Variants in GPNMB observed in about 807,000 individuals in gnomAD.
GPNMB encodes transmembrane glycoprotein NMB.
A neutral mutation model predicts 57.3 loss-of-function variants in GPNMB; 71 were observed. That is an observed-to-expected ratio of 1.24 (90% CI 1.02 to 1.51). GPNMB has a LOEUF of 1.51. GPNMB is among the 40% of genes most tolerant of loss of function. GPNMB has a pLI of 0.00. For synonymous variants in GPNMB, 253 were observed against 263.2 expected (o/e 0.96, Z 0.38); for missense variants, 677 against 691.9 (o/e 0.98, Z 0.24).
At chr7:23,273,821 G>A (rs901329430) in intron 10 of GPNMB, 1 of 580,360 alleles carries the variant, frequency 1.7e-6, no homozygotes, top group South Asian at 2.3e-5. Context: ...CCAGATCTCA[G>A]TAACTTTACA....
intron 2 of GPNMB, 105 bp downstream of exon 2, chr7:23,253,564 G>A (rs1413340656): frequency 2.1e-6 from 2 of 952,788 alleles, no homozygotes; most frequent in Non-Finnish European, 3.1e-6. Flanking sequence ...TTCCACGAAT[G>A]ACAGTGCTCT....
rs949165502 is a variant in GPNMB, at chr7:23,257,333, T to C, written c.541+268T>C. 8 of 588,304 alleles carry C rather than the reference T, an allele frequency of 1.4e-5. No homozygotes were observed. In the African/African-American group the frequency reaches 1.5e-4, roughly 11 times the overall value. 36.4% of individuals were successfully genotyped at this position (588,304 alleles called of 1,614,324 possible). On this transcript the variant is annotated intron_variant, in intron 4 of 10. Transcript: ENST00000258733. Reference sequence around the variant, plus strand: ...AAAACAAAACCACTTAATTTTTTTCTACCTAAAACCATAACAAGAAAAAAT... The same window carrying C: ...AAAACAAAACCACTTAATTTTTTTCCACCTAAAACCATAACAAGAAAAAAT...
intron 10 of GPNMB, 81 bp from the exon 11 acceptor site, chr7:23,273,984 C>A: frequency 1.9e-6 from 2 of 1,068,576 alleles, no homozygotes; most frequent in Non-Finnish European, 2.8e-6. Flanking sequence ...CCTTTTATAC[C>A]TGGCATGAAA....
intron 9 of GPNMB, among the ~76,000 whole-genome samples, chr7:23,270,621 A>G (rs56167044): frequency 0.024 from 3,688 of 152,318 alleles, 143 homozygotes; most frequent in African/African-American, 0.085. Context: ...ATGAGACACA[A>G]GCTGTTCTCC....
chr7:23,257,411 C>A (rs887761802), intron 4 of GPNMB: 7 of 437,712 alleles, frequency 1.6e-5, no homozygotes, highest in Non-Finnish European at 2.9e-5. Flanking sequence ...GTGGCTCACA[C>A]TTGTAATCCC....
At chr7:23,252,368 G>T (rs529687255) in intron 1 of GPNMB, among the ~76,000 whole-genome samples, 1 of 152,284 alleles carries the variant, frequency 6.6e-6, no homozygotes, top group East Asian at 1.9e-4. Flanking sequence ...TAAAAATGCA[G>T]ACAGGTTTAA....
chr7:23,273,262 C>G (rs1783253725), intron 9 of GPNMB: 1 of 394,342 alleles, frequency 2.5e-6, no homozygotes, highest in Non-Finnish European at 4.5e-6. Flanking sequence ...TCACCCAAGA[C>G]CTGAGCAGGT....
intron 8 of GPNMB, 26 bp downstream of exon 8, chr7:23,268,014 CATGG>C: frequency 7.2e-7 from 1 of 1,382,198 alleles, no homozygotes; most frequent in Non-Finnish European, 1.0e-6. Flanking sequence ...CCGACAGAGG[CATGG>C]GTGGGTCAAC....
Position 23,269,943 on chromosome 7 carries a change from C to T in GPNMB, c.1221-24C>T, listed in dbSNP as rs530359600. 5.0e-6 allele frequency: 8 copies of T among 1,584,996 alleles called. No individual in the cohort carries two copies. The African/African-American group carries it at 5.4e-5, about 11-fold the overall frequency. On this transcript the variant is annotated intron_variant, in intron 8 of 10. Transcript: ENST00000258733. ...CTCCCCTTCTCTGTGCCCTGTGCGCCCTCGCCCACCTCCCCTGTCGCAGCA... is the reference window on the plus strand; with the variant it reads ...CTCCCCTTCTCTGTGCCCTGTGCGCTCTCGCCCACCTCCCCTGTCGCAGCA...
chr7:23,268,211 G>A (rs1349486670), intron 8 of GPNMB, among the ~76,000 whole-genome samples: 1 of 152,226 alleles, frequency 6.6e-6, no homozygotes. Flanking sequence ...TAACAATTAA[G>A]TTGAATAATA....
intron 4 of GPNMB, chr7:23,257,338 A>T: frequency 1.7e-6 from 1 of 586,204 alleles, no homozygotes; most frequent in Non-Finnish European, 3.0e-6. Flanking sequence ...TTTTCTACCT[A>T]AAACCATAAC....
intron 1 of GPNMB, 75 bp downstream of exon 1, chr7:23,247,002 G>A: frequency 9.3e-7 from 1 of 1,078,344 alleles, no homozygotes; most frequent in East Asian, 2.4e-5. Flanking sequence ...AATATCCTCT[G>A]AACTAGAGGT....
At chr7:23,257,910 A>G (rs1343208571) in intron 4 of GPNMB, 1 of 152,216 alleles carries the variant, frequency 6.6e-6, no homozygotes, top group African/African-American at 2.4e-5. Context: ...TAAGATCATT[A>G]TTAAGATCAC....
chr7:23,253,389 A>C lies in GPNMB; in HGVS notation c.153A>C (p.Glu51Asp), dbSNP rs746669002. The change falls in exon 2 of 11, where the codon GAA (glutamate) becomes GAC (aspartate). Residue 51 changes from glutamate to aspartate, a missense_variant. Coordinates refer to ENST00000258733, the MANE Select transcript of GPNMB (RefSeq NM_002510.3). ...AATTAAATGGCTGGTCTTCTGATGA[A>C]AATGACTGGAATGAAAAACTCTACC... ...HNQLNGWSSD[E>D]NDWNEKLYPV... 8 of 1,613,972 alleles carry C rather than the reference A, an allele frequency of 5.0e-6. No homozygotes were observed.
intron 1 of GPNMB, among the ~76,000 whole-genome samples, chr7:23,248,965 G>T (rs1355612857): frequency 6.6e-6 from 1 of 152,034 alleles, no homozygotes; most frequent in African/African-American, 2.4e-5. Context: ...TGTATTTTTT[G>T]TAGAAATGGG....
rs745336323 is a variant in GPNMB, at chr7:23,257,057, A to T, written c.533A>T (p.His178Leu). 1.9e-5 allele frequency: 31 copies of T among 1,614,004 alleles called. No individual in the cohort carries two copies. Among genetic ancestry groups the T allele is most frequent in the Non-Finnish European group, 2.4e-5 (28 of 1,179,832 alleles). Residue 178 changes from histidine to leucine, a missense_variant, in exon 4 of 11, where the codon CAC becomes CTC. By Grantham distance (99) the His-to-Leu change is moderately conservative (BLOSUM62 -3). Coordinates refer to ENST00000258733, the MANE Select transcript of GPNMB (RefSeq NM_002510.3). ...WRRWNFIYVF[H>L]TLGQYFQKLG... ...AGATGGAATTTCATCTACGTCTTCC[A>T]CACACTTGGTTGGCTTTTACAAACC...
At chr7:23,253,049 C>G (rs962839757) in intron 1 of GPNMB, among the ~76,000 whole-genome samples, 6 of 152,040 alleles carry the variant, frequency 3.9e-5, no homozygotes, top group African/African-American at 1.5e-4. Flanking sequence ...TATTGAGAAG[C>G]CAAGTGATGG....
Position 23,257,070 on chromosome 7 carries a change from G to A in GPNMB, c.541+5G>A, listed in dbSNP as rs763865368. The A allele has an allele frequency of 2.0e-5, 33 of 1,612,736 alleles. No homozygotes were observed. Among genetic ancestry groups the A allele is most frequent in the Non-Finnish European group, 2.8e-5 (33 of 1,178,862 alleles). On this transcript the variant is annotated splice_donor_5th_base_variant and intron_variant, in intron 4 of 10. Transcript: ENST00000258733. Reference sequence around the variant, plus strand: ...TCTACGTCTTCCACACACTTGGTTGGCTTTTACAAACCCCTAAGCTTCTTC... The same window carrying A: ...TCTACGTCTTCCACACACTTGGTTGACTTTTACAAACCCCTAAGCTTCTTC...
At chr7:23,266,381 A>G (rs1010102645) in intron 6 of GPNMB, 136 bp from the exon 7 acceptor site, 1 of 763,480 alleles carries the variant, frequency 1.3e-6, no homozygotes, top group Admixed American at 2.8e-5. Flanking sequence ...TCAAATTTCT[A>G]TAGCAATTTC....
Sources: allele counts gnomAD v4.1 joint callset (sites outside exome capture counted in the v4.1 genomes callset), GRCh38; gene constraint gnomAD v4.1.1; transcripts MANE v1.5; gene names NCBI Gene and HGNC (gene_info 2026-07-23, HGNC 2026-07-21).